ELP4: variants seen among roughly 807,000 people sequenced by gnomAD.
ELP4 encodes the protein elongator acetyltransferase complex subunit 4.
Under a neutral mutation model 48.9 loss-of-function variants are expected in ELP4, and 51 were observed. That is an observed-to-expected ratio of 1.04 (90% CI 0.83 to 1.32). The LOEUF is 1.32. ELP4 is among the 40% of genes most tolerant of loss of function. The probability of loss-of-function intolerance (pLI) is 0.00; values close to 1 mark genes in which losing one functional copy is unlikely to be tolerated. For missense variants in ELP4, 519 were observed against 514.6 expected, an observed-to-expected ratio of 1.01 and a Z score of -0.08; for synonymous variants, 210 against 189.2, an observed-to-expected ratio of 1.11 and a Z score of -0.90.
chr11:31,520,950 T>A (rs1956203782), intron 2 of ELP4, among the ~76,000 whole-genome samples: 1 of 152,032 alleles, frequency 6.6e-6, no homozygotes, highest in Admixed American at 6.6e-5. Flanking sequence ...AAATGTAATA[T>A]GACCTGAAAT....
At chr11:31,716,444 TA>T (rs1946843780) in intron 9 of ELP4, among the ~76,000 whole-genome samples, 2 of 152,318 alleles carry the variant, frequency 1.3e-5, no homozygotes, top group Admixed American at 1.3e-4. Context: ...TTCTCATTTG[TA>T]AAATGGGGAT....
intron 3 of ELP4, among the ~76,000 whole-genome samples, chr11:31,592,653 A>C (rs1030217896): frequency 2.0e-5 from 3 of 151,510 alleles, no homozygotes; most frequent in African/African-American, 7.3e-5. Flanking sequence ...TTTTCTGTAC[A>C]TCTTTTGAAA....
At chr11:31,516,876 C>G (rs1212301695) in intron 1 of ELP4, among the ~76,000 whole-genome samples, 1 of 152,070 alleles carries the variant, frequency 6.6e-6, no homozygotes, top group Non-Finnish European at 1.5e-5. Flanking sequence ...CCTATGTAGT[C>G]TGTTGCGACT....
rs1946039931 is a variant in ELP4 at position 31,680,979 on chromosome 11, AG to A, written c.1143+30759del. Among the ~76,000 whole-genome samples the A allele has an allele frequency of 3.3e-5, 5 of 152,350 alleles. No individual in the cohort carries two copies. The South Asian group carries it at 1.0e-3, about 32-fold the overall frequency. ...ATGAATTAGCTGACGTATCAAAAAA[AG>A]ATAAAGTGTGATCATACCTTTATTA... On this transcript the variant is annotated intron_variant, in intron 9 of 9. Coordinates refer to ENST00000640961, the MANE Select transcript of ELP4 (RefSeq NM_019040.5).
At chr11:31,757,760 G>C (rs1947861511) in intron 9 of ELP4, among the ~76,000 whole-genome samples, 1 of 152,158 alleles carries the variant, frequency 6.6e-6, no homozygotes, top group South Asian at 2.1e-4. Context: ...CAACACGCCA[G>C]ATGTAACAGT....
At chr11:31,742,117 G>A (rs986440267) in intron 9 of ELP4, among the ~76,000 whole-genome samples, 17 of 152,170 alleles carry the variant, frequency 1.1e-4, no homozygotes, top group East Asian at 9.6e-4. Flanking sequence ...CTCAGTAGCC[G>A]ATGCGATTAA....
intron 9 of ELP4, among the ~76,000 whole-genome samples, chr11:31,776,299 G>A (rs1179986383): frequency 2.0e-5 from 3 of 152,116 alleles, no homozygotes; most frequent in African/African-American, 7.2e-5. Context: ...AGATCTAATA[G>A]CAATTTTAAG....
intron 3 of ELP4, among the ~76,000 whole-genome samples, chr11:31,580,387 T>C (rs1208539962): frequency 6.6e-6 from 1 of 152,232 alleles, no homozygotes; most frequent in Non-Finnish European, 1.5e-5. Flanking sequence ...GTGTTCCTTT[T>C]AATATTAATG....
At chr11:31,606,632 T>C (rs1359614510) in intron 5 of ELP4, among the ~76,000 whole-genome samples, 1 of 152,162 alleles carries the variant, frequency 6.6e-6, no homozygotes, top group Non-Finnish European at 1.5e-5. Context: ...AATAATATTA[T>C]CAAGATAGTT....
intron 3 of ELP4, among the ~76,000 whole-genome samples, chr11:31,566,116 G>C (rs889872159): frequency 6.6e-6 from 1 of 152,092 alleles, no homozygotes; most frequent in East Asian, 1.9e-4. Context: ...CTAGCACTTT[G>C]GATGATCAAG....
At chr11:31,681,023 C>T (rs1414176349) in intron 9 of ELP4, among the ~76,000 whole-genome samples, 1 of 152,058 alleles carries the variant, frequency 6.6e-6, no homozygotes, top group Non-Finnish European at 1.5e-5. Flanking sequence ...GTTAAGTTTT[C>T]TTGGTGAAAC....
At chr11:31,608,988 G>T (rs1027669233) in intron 5 of ELP4, among the ~76,000 whole-genome samples, 3 of 146,346 alleles carry the variant, frequency 2.0e-5, no homozygotes. Context: ...AGCTGTGGTA[G>T]GGTGAGCGAT....
At chr11:31,629,539 A>G (rs1461018551) in intron 6 of ELP4, among the ~76,000 whole-genome samples, 1 of 152,038 alleles carries the variant, frequency 6.6e-6, no homozygotes, top group Non-Finnish European at 1.5e-5. Context: ...CACTTGATAT[A>G]CATATATCAG....
chr11:31,775,379 C>G (rs942084022), intron 9 of ELP4, among the ~76,000 whole-genome samples: 8 of 152,136 alleles, frequency 5.3e-5, no homozygotes, highest in East Asian at 1.9e-4. Flanking sequence ...AAAACTGTAT[C>G]CCCCACAAAT....
chr11:31,746,439 G>A (rs995967996), intron 9 of ELP4, among the ~76,000 whole-genome samples: 4 of 152,132 alleles, frequency 2.6e-5, no homozygotes, highest in South Asian at 2.1e-4. Flanking sequence ...ACATGCACAC[G>A]TGTGTTTATT....
chr11:31,568,890 G>A (rs1227739007), intron 3 of ELP4, among the ~76,000 whole-genome samples: 2 of 152,070 alleles, frequency 1.3e-5, no homozygotes, highest in East Asian at 3.9e-4. Context: ...TTCAAGACCA[G>A]CCTGGCCAAC....
At chr11:31,556,355 T>A (rs1956929675) in intron 3 of ELP4, among the ~76,000 whole-genome samples, 1 of 151,948 alleles carries the variant, frequency 6.6e-6, no homozygotes, top group Non-Finnish European at 1.5e-5. Flanking sequence ...GTATTTTCCA[T>A]GAAAACTTTC....
intron 9 of ELP4, among the ~76,000 whole-genome samples, chr11:31,657,999 G>A (rs527710262): frequency 6.6e-6 from 1 of 151,974 alleles, no homozygotes; most frequent in Admixed American, 6.6e-5. Flanking sequence ...ACAGTTTGGA[G>A]AGATCAAGCA....
chr11:31,568,209 A>C (rs1368359518), intron 3 of ELP4, among the ~76,000 whole-genome samples: 1 of 152,230 alleles, frequency 6.6e-6, no homozygotes, highest in Non-Finnish European at 1.5e-5. Flanking sequence ...CACAATAGCC[A>C]CAAAAAGAAT....
Sources: gnomAD v4.1 joint callset for allele counts (sites outside exome capture counted in the v4.1 genomes callset) on GRCh38, gnomAD v4.1.1 for gene constraint, MANE v1.5 for transcripts, NCBI Gene and HGNC (gene_info 2026-07-23, HGNC 2026-07-21) for gene names.